Variants in MFSD12 observed in about 807,000 individuals in gnomAD.
MFSD12 encodes the protein major facilitator superfamily domain containing 12, also known as major facilitator superfamily domain-containing protein 12.
A neutral mutation model predicts 51.2 loss-of-function variants in MFSD12; 67 were observed. The ratio of observed to expected loss-of-function variants is 1.31; its 90% confidence interval spans 1.08 to 1.60. The LOEUF (loss-of-function observed/expected upper bound fraction) is 1.60, where lower values mean the gene tolerates loss of function less well. MFSD12 is among the 40% of genes most tolerant of loss of function. The pLI, the probability that MFSD12 is intolerant of heterozygous loss-of-function variation, is 0.00. For synonymous variants in MFSD12, 441 were observed against 316.7 expected, an observed-to-expected ratio of 1.39 and a Z score of -4.17; for missense variants, 921 against 673.0, an observed-to-expected ratio of 1.37 and a Z score of -4.08.
intron 6 of MFSD12, among the ~76,000 whole-genome samples, chr19:3,546,688 C>T (rs983924455): frequency 1.3e-5 from 2 of 152,250 alleles, no homozygotes; most frequent in African/African-American, 4.8e-5. Flanking sequence ...AAGCAAACGA[C>T]GGACTCGGCT....
At chr19:3,554,450 CAAAAAAA>C (rs1187548758) in intron 1 of MFSD12, among the ~76,000 whole-genome samples, 18 of 71,792 alleles carry the variant, frequency 2.5e-4, no homozygotes, top group Non-Finnish European at 4.9e-4. Context: ...AACAACAAAA[CAAAAAAA>C]AAAAAAAAAG....
At chr19:3,539,439 T>C (rs760823048), downstream of MFSD12, 8 of 585,244 alleles carry the variant, frequency 1.4e-5, no homozygotes, top group Non-Finnish European at 2.5e-5. Flanking sequence ...GGCCGCTCAC[T>C]GTGGGGGCTA....
chr19:3,552,090 C>CCTGCCGGCTTT (rs1261723476), intron 1 of MFSD12, among the ~76,000 whole-genome samples: 5 of 152,216 alleles, frequency 3.3e-5, no homozygotes, highest in Non-Finnish European at 7.3e-5. Context: ...CTGCCGGCTT[C>CCTGCCGGCTTT]CTGCCGGCTT....
At position 3,549,588 on chromosome 19, in the gene MFSD12, TG is replaced by T. The variant is rs1452249407; in HGVS notation, c.510-1322del. Among the ~76,000 whole-genome samples the T allele has an allele frequency of 1.1e-4, 16 of 150,706 alleles. No individual in the cohort carries two copies. The East Asian group carries it at 2.9e-3, about 28-fold the overall frequency. On this transcript the variant is annotated intron_variant, in intron 2 of 9. Transcript: ENST00000355415. ...AAATACAAAAATTAGCCGGGGGTGG[TG>T]GCGGGTGCCTGTAGTCCCAGCTACT...
At chr19:3,543,978 T>TC (rs774871094), downstream of MFSD12, 1 of 1,546,596 alleles carries the variant, frequency 6.5e-7, no homozygotes, top group African/African-American at 1.4e-5. Context: ...CTGCCAGCGG[T>TC]CCCCGCCTTC....
chr19:3,550,905 G>T (rs535713952), intron 2 of MFSD12, 79 bp downstream of exon 2: 1 of 1,215,486 alleles, frequency 8.2e-7, no homozygotes, highest in Non-Finnish European at 1.2e-6. Flanking sequence ...GTCTGTGGCC[G>T]CTCATTATGC....
At chr19:3,544,121 C>A (rs753059469), downstream of MFSD12, 2 of 1,417,464 alleles carry the variant, frequency 1.4e-6, no homozygotes, top group Non-Finnish European at 1.9e-6. Context: ...GCTCGCTGGC[C>A]GCCCACAACC....
At position 3,551,794 on chromosome 19, in the gene MFSD12, C is replaced by T. The variant is rs528332773; in HGVS notation, c.299-600G>A. ...CCGCAGCCCACGGAGCCCTTTGCGA[C>T]CTGCCCTGTCCCCTCCGTGCCCTGC... On this transcript the variant is annotated intron_variant, in intron 1 of 9. Coordinates refer to ENST00000355415, the MANE Select transcript of MFSD12 (RefSeq NM_174983.5). This position sits in a 1 kb window ranked among gnomAD's most constrained non-coding sequence, Gnocchi z 4.6. Among the ~76,000 whole-genome samples, 36 of 152,302 alleles carry T rather than the reference C, an allele frequency of 2.4e-4. No individual in the cohort carries two copies. The highest frequency in any genetic ancestry group is 6.5e-4 in the Admixed American group (10 of 15,298).
chr19:3,547,709 G>T, intron 4 of MFSD12, 139 bp downstream of exon 4: 2 of 1,193,298 alleles, frequency 1.7e-6, no homozygotes, highest in Non-Finnish European at 2.3e-6. Context: ...AGCAGCACTT[G>T]ATGAGTGACG....
In MFSD12 at chr19:3,544,920, C is replaced by A. The variant is rs777850029; in HGVS notation, c.1309G>T (p.Ala437Ser). 1 of 1,610,092 alleles carries A rather than the reference C, an allele frequency of 6.2e-7. No homozygotes were observed. Residue 437 changes from alanine (A) to serine (S), a missense_variant, in exon 9 of 10, where the codon GCC (alanine) becomes TCC (serine). Coordinates refer to ENST00000355415, the MANE Select transcript of MFSD12 (RefSeq NM_174983.5). Reference protein sequence around the residue: ...HPCPSELCCRACVSFYHWAMV... With the variant: ...HPCPSELCCRSCVSFYHWAMV... ...GCCCAGTGGTAAAAGCTCACGCAGG[C>A]CCTGCAGCAGAGCTCTGAGCTGTGG... is the stretch of plus-strand genomic sequence containing the variant.
intron 8 of MFSD12, 151 bp downstream of exon 8, chr19:3,545,923 G>A (rs952540589): frequency 1.5e-5 from 11 of 750,116 alleles, no homozygotes; most frequent in African/African-American, 7.0e-5. Flanking sequence ...GTGGAAGAAA[G>A]GAAAGGTCTC....
At chr19:3,543,610 G>C (rs550740012), downstream of MFSD12, 8 of 1,544,406 alleles carry the variant, frequency 5.2e-6, no homozygotes, top group East Asian at 9.8e-5. Flanking sequence ...TCCCTGCCCA[G>C]TACCAGGCCC....
At chr19:3,543,443 T>C (rs1361963818), downstream of MFSD12, 7 of 1,540,476 alleles carry the variant, frequency 4.5e-6, no homozygotes, top group South Asian at 2.4e-5. Flanking sequence ...GCACAGCTGC[T>C]ACCAACACCG....
Position 3,547,478 on chromosome 19 carries a change from T to TG in MFSD12, c.906dup (p.Thr303HisfsTer111). ...ACCTTGGGCAGGTGGAGCGAGTAGG[T>TG]GAGGTACATGGCCATGTAGGTCTGG... On this transcript the variant is annotated frameshift_variant, in exon 5 of 10. Coordinates refer to ENST00000355415, the MANE Select transcript of MFSD12 (RefSeq NM_174983.5). LOFTEE classifies it high-confidence loss of function. 1 of 1,612,678 alleles carries TG rather than the reference T, an allele frequency of 6.2e-7. No individual in the cohort carries two copies. Among genetic ancestry groups the TG allele is most frequent in the Non-Finnish European group, 8.5e-7 (1 of 1,179,808 alleles).
In MFSD12 at chr19:3,547,217, G is replaced by A. The variant is rs570789710; in HGVS notation, c.1023+55C>T. ...TGGAACCCGGAGCGGGTGGGATCTC[G>A]GCTGCAGGGCACCCCATCCTCCGCC... On this transcript the variant is annotated intron_variant, in intron 6 of 9. Transcript: ENST00000355415. The A allele has an allele frequency of 7.7e-5, 115 of 1,493,956 alleles. No homozygotes were observed. The African/African-American group carries it at 9.8e-4, about 13-fold the overall frequency. The allele number at this position is 1,493,956 out of a possible 1,614,324, so 92.5% of individuals were successfully genotyped here.
chr19:3,540,704 A>C (rs2122075251), downstream of MFSD12, among the ~76,000 whole-genome samples: 1 of 145,162 alleles, frequency 6.9e-6, no homozygotes, highest in African/African-American at 2.6e-5. Flanking sequence ...ACATGGTGAA[A>C]CCCCGTCTCT....
chr19:3,557,279 T>C lies in MFSD12; in HGVS notation c.125A>G (p.Tyr42Cys), dbSNP rs371384112. Residue 42 changes from tyrosine (Y) to cysteine (C), a missense_variant, in exon 1 of 10, where the codon TAC (tyrosine) becomes TGC (cysteine). Physicochemically the swap from Tyr to Cys is radical, Grantham distance 194. Transcript: ENST00000355415. ...NDLCASMWFT[Y>C]LLLYLHSVRA... ...CACCGAGTGCAGGTAGAGCAGCAGG[T>C]AGGTGAACCACATGGACGCGCACAG... The C allele has an allele frequency of 1.9e-6, 3 of 1,597,106 alleles. No homozygotes were observed. Among genetic ancestry groups the C allele is most frequent in the African/African-American group, 2.7e-5 (2 of 73,112 alleles).
At chr19:3,543,392 C>A, downstream of MFSD12, 2 of 1,548,854 alleles carry the variant, frequency 1.3e-6, no homozygotes, top group Non-Finnish European at 1.7e-6. Context: ...CAACCTGCCA[C>A]GGGCCCCGGC....
intron 2 of MFSD12, among the ~76,000 whole-genome samples, chr19:3,548,757 G>C (rs2031278630): frequency 6.6e-6 from 1 of 152,190 alleles, no homozygotes; most frequent in Non-Finnish European, 1.5e-5. Context: ...CACCTCCAGA[G>C]GCCACGTGAG....
Sources: allele counts gnomAD v4.1 joint callset (sites outside exome capture counted in the v4.1 genomes callset), GRCh38; gene constraint gnomAD v4.1.1; non-coding constraint Gnocchi (gnomAD v3.1); transcripts MANE v1.5; gene names NCBI Gene and HGNC (gene_info 2026-07-23, HGNC 2026-07-21).